The following TRPC6 variants were observed in gnomAD, a reference collection of about 807,000 sequenced individuals.
TRPC6 encodes the protein transient receptor potential cation channel subfamily C member 6.
TRPC6 carries 55 observed loss-of-function variants against 90.7 expected under a neutral mutation model. That is an observed-to-expected ratio of 0.61 (90% confidence interval 0.49 to 0.76). The LOEUF is 0.76. TRPC6 is among the 30% of genes least tolerant of loss of function. TRPC6 has a pLI of 0.00. For synonymous variants in TRPC6, 393 were observed against 393.0 expected (o/e 1.00, Z 0.00); for missense variants, 989 against 1,122.7 (o/e 0.88, Z 1.70).
intron 1 of TRPC6, among the ~76,000 whole-genome samples, chr11:101,521,174 G>A (rs968296147): frequency 1.3e-5 from 2 of 150,406 alleles, no homozygotes; most frequent in Admixed American, 6.6e-5. Flanking sequence ...CCCTTCTATC[G>A]CAAGCCTGGA....
chr11:101,553,372 A>G (rs11224845), intron 1 of TRPC6, among the ~76,000 whole-genome samples: 15,591 of 151,702 alleles, frequency 0.1, 911 homozygotes, highest in Middle Eastern at 0.14. Flanking sequence ...TAACCCTCTC[A>G]CTGAACCTTT....
chr11:101,519,723 C>G (rs552981754), intron 1 of TRPC6: 1 of 154,174 alleles, frequency 6.5e-6, no homozygotes, highest in Non-Finnish European at 1.5e-5. Context: ...CAAAATGTAT[C>G]CAGAATCTGA....
chr11:101,543,079 A>G (rs971984929), intron 1 of TRPC6, among the ~76,000 whole-genome samples: 2 of 152,168 alleles, frequency 1.3e-5, no homozygotes, highest in African/African-American at 4.8e-5. Context: ...TTACAACTCA[A>G]TTAAGACAAA....
At chr11:101,466,163 A>G (rs1383269220) in intron 10 of TRPC6, among the ~76,000 whole-genome samples, 1 of 152,048 alleles carries the variant, frequency 6.6e-6, no homozygotes, top group Non-Finnish European at 1.5e-5. Context: ...CCAAAGGGGC[A>G]CCTTCCAGGA....
chr11:101,546,048 C>CTATTTTTT (rs1565237456), intron 1 of TRPC6, among the ~76,000 whole-genome samples: 2 of 43,048 alleles, frequency 4.6e-5, no homozygotes, highest in African/African-American at 7.4e-5. Context: ...ACATTTATAA[C>CTATTTTTT]TCTTTTTTTT....
At chr11:101,567,410 C>T (rs1168071980) in intron 1 of TRPC6, among the ~76,000 whole-genome samples, 1 of 152,032 alleles carries the variant, frequency 6.6e-6, no homozygotes, top group African/African-American at 2.4e-5. Flanking sequence ...GACAGAGCAT[C>T]TGGGGGAAGG....
At chr11:101,560,105 A>G (rs936091747) in intron 1 of TRPC6, among the ~76,000 whole-genome samples, 2 of 152,156 alleles carry the variant, frequency 1.3e-5, no homozygotes, top group Admixed American at 1.3e-4. Context: ...AGGTTTCATT[A>G]TGGTGGCATA....
intron 1 of TRPC6, among the ~76,000 whole-genome samples, chr11:101,518,309 T>C (rs1860569229): frequency 6.6e-6 from 1 of 152,102 alleles, no homozygotes; most frequent in South Asian, 2.1e-4. Context: ...AAGGGATTAA[T>C]AACCAGAATA....
chr11:101,517,327 C>T (rs1028657955), intron 1 of TRPC6, among the ~76,000 whole-genome samples: 12 of 152,186 alleles, frequency 7.9e-5, no homozygotes, highest in Admixed American at 5.2e-4. Context: ...CTATTTTCCA[C>T]GGACAAATTA....
chr11:101,545,835 A>C (rs1861290109), intron 1 of TRPC6, among the ~76,000 whole-genome samples: 1 of 152,126 alleles, frequency 6.6e-6, no homozygotes, highest in East Asian at 1.9e-4. Flanking sequence ...ATTAGCTACT[A>C]AACATAGGAA....
intron 1 of TRPC6, among the ~76,000 whole-genome samples, chr11:101,548,825 G>A (rs141489473): frequency 5.9e-5 from 9 of 151,892 alleles, no homozygotes; most frequent in African/African-American, 1.9e-4. Flanking sequence ...ATACTATTGA[G>A]TGAAAAAAAT....
intron 2 of TRPC6, among the ~76,000 whole-genome samples, chr11:101,497,494 G>T (rs940406527): frequency 6.6e-6 from 1 of 152,088 alleles, no homozygotes; most frequent in Non-Finnish European, 1.5e-5. Flanking sequence ...CATAGCAACG[G>T]TCTAAAAACA....
intron 10 of TRPC6, among the ~76,000 whole-genome samples, chr11:101,463,404 C>G (rs1444522989): frequency 6.6e-6 from 1 of 152,090 alleles, no homozygotes; most frequent in Non-Finnish European, 1.5e-5. Flanking sequence ...CTCTTTGTAC[C>G]TCTGGTAGAA....
chr11:101,576,519 A>G (rs758065770), intron 1 of TRPC6, among the ~76,000 whole-genome samples: 3 of 152,222 alleles, frequency 2.0e-5, no homozygotes, highest in Non-Finnish European at 2.9e-5. Flanking sequence ...CCTCTTGAGC[A>G]GCATACCAAA....
At position 101,583,355 on chromosome 11, in the gene TRPC6, C is replaced by G. The variant is rs1862244337; in HGVS notation, c.149G>C (p.Cys50Ser). 6.3e-7 allele frequency: 1 copy of G among 1,594,310 alleles called. No homozygotes were observed. Among genetic ancestry groups the G allele is most frequent in the South Asian group, 1.1e-5 (1 of 88,348 alleles). The change falls in exon 1 of 13, where the codon TGC becomes TCC. Residue 50 changes from cysteine to serine, a missense_variant. By Grantham distance (112) the Cys-to-Ser change is moderately radical. Around this residue, in one of 4 missense-constraint regions of TRPC6, gnomAD observed 194 missense variants for 136.5 expected, o/e 1.42. Coordinates refer to ENST00000344327, the MANE Select transcript of TRPC6 (RefSeq NM_004621.6). ...EDGCPQAPLP[C>S]YGYYPCFRGS... ...TCACAAGCAGGGGTAGTAGCCGTAG[C>G]AAGGCAGCGGGGCTTGCGGGCAGCC...
At chr11:101,559,635 CTT>C (rs11286449) in intron 1 of TRPC6, among the ~76,000 whole-genome samples, 10 of 148,264 alleles carry the variant, frequency 6.7e-5, no homozygotes, top group African/African-American at 2.5e-4. Context: ...AATGTCTTTT[CTT>C]TTTTTTTTTA....
At chr11:101,516,754 C>T (rs1325170131) in intron 1 of TRPC6, among the ~76,000 whole-genome samples, 2 of 152,220 alleles carry the variant, frequency 1.3e-5, no homozygotes, top group Non-Finnish European at 2.9e-5. Context: ...TGAATTTCAT[C>T]CTGGGAACGC....
intron 10 of TRPC6, 113 bp from the exon 11 acceptor site, chr11:101,455,214 T>G (rs1858856509): frequency 1.2e-6 from 1 of 810,184 alleles, no homozygotes; most frequent in Middle Eastern, 2.6e-4. Flanking sequence ...ATTATCTATA[T>G]GTATAGTGCC....
At chr11:101,467,947 T>C (rs1859190808) in intron 10 of TRPC6, among the ~76,000 whole-genome samples, 1 of 152,208 alleles carries the variant, frequency 6.6e-6, no homozygotes, top group African/African-American at 2.4e-5. Flanking sequence ...TTTCTTAAAT[T>C]TCCTTTATTG....
Sources: allele counts gnomAD v4.1 joint callset (sites outside exome capture counted in the v4.1 genomes callset), GRCh38; gene constraint gnomAD v4.1.1; regional missense constraint gnomAD v4.1.1; transcripts MANE v1.5; gene names NCBI Gene and HGNC (gene_info 2026-07-23, HGNC 2026-07-21).